The following NOS1AP variants were observed in gnomAD, a reference collection of about 807,000 sequenced individuals.
The protein encoded by NOS1AP is nitric oxide synthase 1 adaptor protein.
A neutral mutation model predicts 56.2 loss-of-function variants in NOS1AP; 21 were observed. The ratio of observed to expected loss-of-function variants is 0.37; its 90% CI spans 0.26 to 0.54. The LOEUF is 0.54. Among genes scored for constraint, NOS1AP ranks in the 20% least tolerant of loss-of-function variants. NOS1AP has a pLI of 0.84. For missense variants in NOS1AP, 522 were observed against 657.8 expected, an observed-to-expected ratio of 0.79 and a Z score of 2.26; for synonymous variants, 270 against 274.6, an observed-to-expected ratio of 0.98 and a Z score of 0.17.
chr1:162,224,264 A>G (rs953060169), intron 2 of NOS1AP, among the ~76,000 whole-genome samples: 64 of 152,180 alleles, frequency 4.2e-4, no homozygotes, highest in African/African-American at 1.5e-3. Context: ...CATTCAACAC[A>G]TATTTATTGC....
chr1:162,273,196 C>T (rs1654636046), intron 2 of NOS1AP, among the ~76,000 whole-genome samples: 1 of 125,860 alleles, frequency 7.9e-6, no homozygotes, highest in African/African-American at 2.9e-5. Flanking sequence ...CGGAGTCTGG[C>T]TCTGTAGCCC....
At chr1:162,365,621 AGT>A (rs1211108353) in intron 9 of NOS1AP, 52 bp downstream of exon 9, 1 of 1,598,844 alleles carries the variant, frequency 6.3e-7, no homozygotes, top group Non-Finnish European at 8.5e-7. Context: ...CTCTGGAAAG[AGT>A]GTCACTTTCC....
Position 162,093,931 on chromosome 1 carries a change from C to T in NOS1AP, c.105+23649C>T, listed in dbSNP as rs188599296. On this transcript the variant is annotated intron_variant, in intron 1 of 9. Coordinates refer to ENST00000361897, the MANE Select transcript of NOS1AP (RefSeq NM_014697.3). ...GAACAGGGCCCACAATACAATTTTC[C>T]GTCCTCTAGGACTTATGTTTCTAAT... Among the ~76,000 whole-genome samples, 9 of 152,264 alleles carry T rather than the reference C, an allele frequency of 5.9e-5. No homozygotes were observed. In the East Asian group the frequency reaches 7.7e-4, roughly 13 times the overall value.
intron 1 of NOS1AP, among the ~76,000 whole-genome samples, chr1:162,142,003 G>T (rs1649254935): frequency 6.6e-6 from 1 of 152,056 alleles, no homozygotes; most frequent in South Asian, 2.1e-4. Flanking sequence ...TCATTTGTTT[G>T]GTGGGCCAAG....
chr1:162,297,016 T>A (rs1322982311), intron 3 of NOS1AP, among the ~76,000 whole-genome samples: 3 of 152,204 alleles, frequency 2.0e-5, no homozygotes, highest in Non-Finnish European at 2.9e-5. Flanking sequence ...TTGGGTGATT[T>A]AATGACAGCC....
chr1:162,197,012 G>C lies in NOS1AP; in HGVS notation c.177+42536G>C, dbSNP rs566720332. Among the ~76,000 whole-genome samples the C allele has an allele frequency of 3.9e-5, 6 of 152,204 alleles. No individual in the cohort carries two copies. The East Asian group carries it at 9.7e-4, about 25-fold the overall frequency. On this transcript the variant is annotated intron_variant, in intron 2 of 9. Transcript: ENST00000361897. ...AGGAGTGGTTCGAATAGAGTTTGTC[G>C]GTGGCTCTCCTTTTCTTCGCCCATT...
intron 3 of NOS1AP, among the ~76,000 whole-genome samples, chr1:162,292,592 C>A (rs186234240): frequency 6.6e-6 from 1 of 152,326 alleles, no homozygotes; most frequent in East Asian, 1.9e-4. Context: ...TTACTTAAAT[C>A]CCAAGCAGGT....
At chr1:162,118,450 G>T (rs1648063476) in intron 1 of NOS1AP, among the ~76,000 whole-genome samples, 1 of 152,104 alleles carries the variant, frequency 6.6e-6, no homozygotes, top group Non-Finnish European at 1.5e-5. Context: ...CTTTTTTGTG[G>T]CTTCATAGTA....
intron 2 of NOS1AP, among the ~76,000 whole-genome samples, chr1:162,174,555 G>A (rs928345736): frequency 3.3e-5 from 5 of 151,942 alleles, no homozygotes; most frequent in Non-Finnish European, 7.4e-5. Flanking sequence ...AACTTAAAGT[G>A]TAATAATAAT....
chr1:162,091,081 A>T (rs967507017), intron 1 of NOS1AP, among the ~76,000 whole-genome samples: 1 of 151,632 alleles, frequency 6.6e-6, no homozygotes, highest in East Asian at 1.9e-4. Context: ...ATGGAGATTT[A>T]AAAAATGTGG....
chr1:162,165,364 T>C (rs763141964), intron 2 of NOS1AP, among the ~76,000 whole-genome samples: 21 of 152,224 alleles, frequency 1.4e-4, no homozygotes, highest in Non-Finnish European at 2.9e-4. Flanking sequence ...ATTGTTGTTC[T>C]TATCAACATT....
chr1:162,309,620 A>G (rs1655960156), intron 4 of NOS1AP, among the ~76,000 whole-genome samples: 2 of 152,254 alleles, frequency 1.3e-5, no homozygotes, highest in South Asian at 4.1e-4. Context: ...AGTTCAGAGT[A>G]CAGACAGAAG....
At chr1:162,319,864 G>A (rs1342798574) in intron 4 of NOS1AP, among the ~76,000 whole-genome samples, 2 of 152,094 alleles carry the variant, frequency 1.3e-5, no homozygotes, top group African/African-American at 4.8e-5. Flanking sequence ...ACTCTCTTCA[G>A]CCTACTCACA....
At chr1:162,224,821 T>A (rs1262093555) in intron 2 of NOS1AP, among the ~76,000 whole-genome samples, 2 of 152,136 alleles carry the variant, frequency 1.3e-5, no homozygotes, top group African/African-American at 4.8e-5. Flanking sequence ...CTAAGACTGA[T>A]GTTGTTTCCA....
chr1:162,274,002 A>T (rs141824546), intron 2 of NOS1AP, among the ~76,000 whole-genome samples: 3 of 152,174 alleles, frequency 2.0e-5, no homozygotes, highest in Non-Finnish European at 4.4e-5. Context: ...TAATTTTGGT[A>T]ATTATAATAG....
At chr1:162,313,987 G>A (rs1174998657) in intron 4 of NOS1AP, among the ~76,000 whole-genome samples, 1 of 152,194 alleles carries the variant, frequency 6.6e-6, no homozygotes, top group African/African-American at 2.4e-5. Context: ...TGCATCCCAA[G>A]TGCCTAGAAG....
rs1266292848 is a variant in NOS1AP, at chr1:162,359,714, C to T, written c.939+2578C>T. 3.5e-5 allele frequency among the ~76,000 whole-genome samples: 5 copies of T among 141,032 alleles called. No homozygotes were observed. In the East Asian group the frequency reaches 7.8e-4, roughly 22 times the overall value. 92.5% of individuals were successfully genotyped at this position (141,032 alleles called of 152,430 possible). A position where few individuals can be genotyped will look rare whatever the true frequency, so the allele number is the denominator to read the frequency against. On this transcript the variant is annotated intron_variant, in intron 8 of 9. Coordinates refer to ENST00000361897, the MANE Select transcript of NOS1AP (RefSeq NM_014697.3). ...ACCAAGTATAGCAAGCTTGGTTTCT[C>T]TACGCGGGGGGGGGCTGATTTCAGT...
At chr1:162,223,013 A>G (rs1179485528) in intron 2 of NOS1AP, among the ~76,000 whole-genome samples, 2 of 152,214 alleles carry the variant, frequency 1.3e-5, no homozygotes. Flanking sequence ...ACTTCAGCTC[A>G]TTTATTGGTA....
chr1:162,358,124 C>T (rs753074273), intron 8 of NOS1AP, among the ~76,000 whole-genome samples: 2 of 152,202 alleles, frequency 1.3e-5, no homozygotes, highest in Non-Finnish European at 2.9e-5. Flanking sequence ...AGGTTTTCTG[C>T]ATTCTAGAAT....
Sources: gnomAD v4.1 joint callset for allele counts (sites outside exome capture counted in the v4.1 genomes callset) on GRCh38, gnomAD v4.1.1 for gene constraint, MANE v1.5 for transcripts, NCBI Gene and HGNC (gene_info 2026-07-23, HGNC 2026-07-21) for gene names.